The following RBMS3 variants were observed in gnomAD, a reference collection of about 807,000 sequenced individuals.
RBMS3 encodes the protein RNA-binding motif, single-stranded-interacting protein 3.
Under a neutral mutation model 66.8 loss-of-function variants are expected in RBMS3, and 27 were observed. The observed-to-expected ratio is 0.40, with a 90% confidence interval of 0.30 to 0.56. The LOEUF (loss-of-function observed/expected upper bound fraction) is 0.56. Among genes scored for constraint, RBMS3 ranks in the 20% least tolerant of loss-of-function variants. The probability of loss-of-function intolerance (pLI) is 0.40; values close to 1 mark genes in which losing one functional copy is unlikely to be tolerated. For synonymous variants in RBMS3, 188 were observed against 183.0 expected (o/e 1.03, Z -0.22); for missense variants, 513 against 549.5 (o/e 0.93, Z 0.66).
intron 4 of RBMS3, among the ~76,000 whole-genome samples, chr3:29,670,698 G>T (rs1308975927): frequency 2.6e-5 from 4 of 152,228 alleles, no homozygotes; most frequent in Non-Finnish European, 4.4e-5. Flanking sequence ...CAGCAAGGCT[G>T]GTGGAGGGGC....
intron 6 of RBMS3, among the ~76,000 whole-genome samples, chr3:29,816,031 C>T (rs1301159009): frequency 6.6e-6 from 1 of 151,912 alleles, no homozygotes; most frequent in Non-Finnish European, 1.5e-5. Flanking sequence ...TGGCTACTTG[C>T]CATATCTCAG....
intron 3 of RBMS3, among the ~76,000 whole-genome samples, chr3:29,492,355 A>C (rs1391706117): frequency 6.6e-6 from 1 of 152,212 alleles, no homozygotes; most frequent in African/African-American, 2.4e-5. Context: ...CAATTATAGA[A>C]AATTGTGTAT....
chr3:29,821,932 G>A (rs2058085906), intron 6 of RBMS3, among the ~76,000 whole-genome samples: 1 of 152,096 alleles, frequency 6.6e-6, no homozygotes, highest in African/African-American at 2.4e-5. Context: ...AAGTGACCAG[G>A]AATAAAATAC....
intron 1 of RBMS3, among the ~76,000 whole-genome samples, chr3:29,306,604 T>A (rs528863780): frequency 6.6e-6 from 1 of 151,924 alleles, no homozygotes; most frequent in Non-Finnish European, 1.5e-5. Flanking sequence ...GAGCCTCAGA[T>A]TTTTCCTCCC....
chr3:29,332,240 G>A lies in RBMS3; in HGVS notation c.75+50484G>A, dbSNP rs143818688. Among the ~76,000 whole-genome samples, 252 of 152,162 alleles carry A rather than the reference G, an allele frequency of 1.7e-3. 1 individual carries two copies. Among genetic ancestry groups the A allele is most frequent in the African/African-American group, 5.8e-3 (242 of 41,532 alleles). ...CAATCCAGTGAATATCGGAATATCAGGATAATCAAGAACAAATGGCAAGTT... is the reference window on the plus strand; with the variant it reads ...CAATCCAGTGAATATCGGAATATCAAGATAATCAAGAACAAATGGCAAGTT... On this transcript the variant is annotated intron_variant, in intron 1 of 14. Transcript: ENST00000383767.
chr3:29,649,460 C>A (rs1449813759), intron 4 of RBMS3, among the ~76,000 whole-genome samples: 1 of 152,214 alleles, frequency 6.6e-6, no homozygotes, highest in Admixed American at 6.5e-5. Flanking sequence ...ACTAACAAGG[C>A]AAGCTAACTA....
At chr3:29,888,951 T>C (rs575968571) in intron 8 of RBMS3, among the ~76,000 whole-genome samples, 63 of 151,680 alleles carry the variant, frequency 4.2e-4, no homozygotes, top group Non-Finnish European at 8.0e-4. Flanking sequence ...CCCTTTAATA[T>C]ACCTCCCCCC....
chr3:29,897,274 C>A, intron 8 of RBMS3, 105 bp from the exon 9 acceptor site: 1 of 967,662 alleles, frequency 1.0e-6, no homozygotes. Context: ...GGTGGAAAAA[C>A]GTGCGGGTGG....
In RBMS3 at chr3:29,997,378, A is replaced by T. The variant is rs1439241197; in HGVS notation, c.1307+6169A>T. On this transcript the variant is annotated intron_variant, in intron 14 of 14. Transcript: ENST00000383767. ...GTACCATTCCTTCTGAAACTATTCC[A>T]ATCAACAGAAAAAGAGGGAATCCTC... Among the ~76,000 whole-genome samples the T allele has an allele frequency of 8.3e-4, 125 of 149,978 alleles. 1 individual carries two copies. Among genetic ancestry groups the T allele is most frequent in the Admixed American group, 2.4e-3 (36 of 14,908 alleles).
chr3:29,917,268 G>C (rs886710578), intron 10 of RBMS3, among the ~76,000 whole-genome samples: 36 of 152,026 alleles, frequency 2.4e-4, no homozygotes, highest in Non-Finnish European at 4.6e-4. Flanking sequence ...TAGCAAGCAG[G>C]TGTAATTTGT....
intron 1 of RBMS3, among the ~76,000 whole-genome samples, chr3:29,322,250 G>A (rs2035051265): frequency 6.6e-6 from 1 of 152,038 alleles, no homozygotes; most frequent in Non-Finnish European, 1.5e-5. Flanking sequence ...GACATCATAG[G>A]AGGAACTACG....
intron 12 of RBMS3, among the ~76,000 whole-genome samples, chr3:29,965,012 C>T (rs945685534): frequency 6.6e-6 from 1 of 152,112 alleles, no homozygotes; most frequent in Non-Finnish European, 1.5e-5. Flanking sequence ...GAATAATAGT[C>T]TCCAATCTCA....
intron 8 of RBMS3, among the ~76,000 whole-genome samples, chr3:29,888,832 A>G (rs898114477): frequency 5.9e-5 from 9 of 151,724 alleles, no homozygotes; most frequent in Non-Finnish European, 8.9e-5. Flanking sequence ...AAAACTAGTC[A>G]TTAAGATGTG....
intron 2 of RBMS3, among the ~76,000 whole-genome samples, chr3:29,448,546 G>A (rs1385030550): frequency 1.3e-5 from 2 of 152,218 alleles, no homozygotes; most frequent in Admixed American, 1.3e-4. Context: ...GAAGAATAAT[G>A]CATTTGTATT....
At chr3:29,566,961 A>G (rs1421093192) in intron 3 of RBMS3, among the ~76,000 whole-genome samples, 2 of 152,118 alleles carry the variant, frequency 1.3e-5, no homozygotes, top group Non-Finnish European at 2.9e-5. Flanking sequence ...AAAAGCTTAA[A>G]TTCATCTTCT....
chr3:29,572,918 T>C lies in RBMS3; in HGVS notation c.308-14196T>C, dbSNP rs76801667. Among the ~76,000 whole-genome samples, 1,033 of 152,292 alleles carry C rather than the reference T, an allele frequency of 6.8e-3. 30 individuals are homozygous for C. The highest frequency in any genetic ancestry group is 0.054 in the Admixed American group (829 of 15,288). ...CTGGGTTTTCCTTATTGGGAGACTT[T>C]TTATTATGGATTCAATCTCATTGTT... On this transcript the variant is annotated intron_variant, in intron 3 of 14. Coordinates refer to ENST00000383767, the MANE Select transcript of RBMS3 (RefSeq NM_001003793.3).
chr3:29,962,551 C>CATATATATATATATATAT (rs148691765), intron 12 of RBMS3, among the ~76,000 whole-genome samples: 143 of 135,250 alleles, frequency 1.1e-3, no homozygotes, highest in Admixed American at 2.0e-3. Context: ...GGTCAAGACT[C>CATATATATATATATATAT]ATATATATAT....
intron 3 of RBMS3, among the ~76,000 whole-genome samples, chr3:29,563,175 C>T (rs2046617225): frequency 6.6e-6 from 1 of 152,080 alleles, no homozygotes. Context: ...TTCTTCTATC[C>T]CATTCCCAAA....
In RBMS3 at chr3:30,009,660, ATCTT is replaced by A. The variant is rs1427326820; in HGVS notation, c.*5804_*5807del. On this transcript the variant is annotated 3_prime_UTR_variant, in exon 15 of 15. Transcript: ENST00000383767. ...GGTACAGTCATATTCATATTTTTAA[ATCTT>A]TCTTTGACCAAAACTATTGCATTGT... The A allele has an allele frequency of 6.6e-6, 1 of 152,148 alleles. No homozygotes were observed. The highest frequency in any genetic ancestry group is 1.9e-4 in the East Asian group (1 of 5,200). 9.4% of individuals were successfully genotyped at this position (152,148 alleles called of 1,614,324 possible). A position where few individuals can be genotyped will look rare whatever the true frequency, so the allele number is the denominator to read the frequency against.
Sources: allele counts gnomAD v4.1 joint callset (sites outside exome capture counted in the v4.1 genomes callset), GRCh38; gene constraint gnomAD v4.1.1; transcripts MANE v1.5; gene names NCBI Gene and HGNC (gene_info 2026-07-23, HGNC 2026-07-21).